Variants in ZNF43 observed in about 807,000 individuals in gnomAD.
ZNF43 encodes the protein zinc finger protein 39-like 1 (KOX 27).
A neutral mutation model predicts 68.4 loss-of-function variants in ZNF43; 44 were observed. That is an observed-to-expected ratio of 0.64 (90% CI 0.51 to 0.83). ZNF43 has a LOEUF of 0.83. Ranked by LOEUF, ZNF43 falls within the 40% of genes least tolerant of loss-of-function variation. ZNF43 has a pLI of 0.00. For synonymous variants in ZNF43, 308 were observed against 307.8 expected, an observed-to-expected ratio of 1.00 and a Z score of -0.01; for missense variants, 896 against 933.2, an observed-to-expected ratio of 0.96 and a Z score of 0.52.
intron 1 of ZNF43, among the ~76,000 whole-genome samples, chr19:21,834,103 G>A (rs566236170): frequency 1.1e-3 from 166 of 151,976 alleles, no homozygotes; most frequent in Non-Finnish European, 2.1e-3. Flanking sequence ...GCATGGTGGC[G>A]GAGGCGGGTG....
chr19:21,833,328 G>A (rs547408634), intron 1 of ZNF43, among the ~76,000 whole-genome samples: 144 of 152,018 alleles, frequency 9.5e-4, no homozygotes, highest in African/African-American at 3.1e-3. Context: ...GTACAATGGC[G>A]CGACCTCAGC....
intron 1 of ZNF43, 63 bp from the exon 2 acceptor site, chr19:21,819,284 T>G (rs1033669086): frequency 8.8e-6 from 13 of 1,481,540 alleles, no homozygotes; most frequent in Non-Finnish European, 1.2e-5. Context: ...CAGGCAGAAT[T>G]TATAATTTGA....
chr19:21,828,122 G>GT (rs2038224536), intron 1 of ZNF43, among the ~76,000 whole-genome samples: 1 of 152,242 alleles, frequency 6.6e-6, no homozygotes, highest in African/African-American at 2.4e-5. Context: ...AATATCTATT[G>GT]TAACAATTTG....
chr19:21,850,702 A>G (rs1421773704), intron 1 of ZNF43, among the ~76,000 whole-genome samples: 1 of 152,248 alleles, frequency 6.6e-6, no homozygotes, highest in African/African-American at 2.4e-5. Flanking sequence ...AGCAGGGCTT[A>G]GCAATATGTA....
At chr19:21,840,477 TGA>T (rs1967446230), upstream of ZNF43, 1 of 152,236 alleles carries the variant, frequency 6.6e-6, no homozygotes, top group African/African-American at 2.4e-5. Context: ...GATACATCCA[TGA>T]GAGCCTCAAT....
chr19:21,809,946 CA>C, intron 3 of ZNF43, 139 bp from the exon 4 acceptor site: 2 of 821,004 alleles, frequency 2.4e-6, no homozygotes, highest in Non-Finnish European at 3.5e-6. Flanking sequence ...TATTTATAGA[CA>C]TATAAATGTA....
chr19:21,818,689 G>C (rs1214391175), intron 2 of ZNF43, among the ~76,000 whole-genome samples: 1 of 152,096 alleles, frequency 6.6e-6, no homozygotes, highest in Non-Finnish European at 1.5e-5. Context: ...CAGAGTACCG[G>C]GATTACAGGA....
At chr19:21,827,365 G>GT (rs200075990) in intron 1 of ZNF43, 13,863 of 144,110 alleles carry the variant, frequency 0.096, 672 homozygotes, top group Middle Eastern at 0.15. Context: ...CTACTATGTG[G>GT]TTTTTTTTTT....
chr19:21,826,008 C>T (rs1301219147), intron 1 of ZNF43, among the ~76,000 whole-genome samples: 2 of 152,104 alleles, frequency 1.3e-5, no homozygotes, highest in Non-Finnish European at 2.9e-5. Context: ...GAGATGGTGC[C>T]ACTGCACTCC....
chr19:21,818,179 T>G (rs2037622854), intron 2 of ZNF43, among the ~76,000 whole-genome samples, 193 bp from the exon 3 acceptor site: 1 of 152,002 alleles, frequency 6.6e-6, no homozygotes, highest in Non-Finnish European at 1.5e-5. Flanking sequence ...CTTGGCCCCC[T>G]GCAATCTCCA....
intron 1 of ZNF43, among the ~76,000 whole-genome samples, chr19:21,823,824 C>T (rs1415144605): frequency 2.0e-5 from 3 of 152,186 alleles, no homozygotes; most frequent in East Asian, 3.9e-4. Flanking sequence ...CCATCTCGGC[C>T]TCCCAAAGTG....
intron 3 of ZNF43, among the ~76,000 whole-genome samples, chr19:21,812,963 TA>T (rs896622219): frequency 9.7e-5 from 14 of 144,706 alleles, no homozygotes; most frequent in South Asian, 6.5e-4. Flanking sequence ...AATTACAAAT[TA>T]AAAAAAAAAA....
intron 1 of ZNF43, among the ~76,000 whole-genome samples, chr19:21,829,718 A>G (rs2038328795): frequency 6.6e-6 from 1 of 152,238 alleles, no homozygotes; most frequent in Non-Finnish European, 1.5e-5. Flanking sequence ...AGGTAGGATA[A>G]TAAAGCCTCT....
rs544628404 is a variant in ZNF43, at chr19:21,842,599, A to G, written c.30+9306T>C. On this transcript the variant is annotated intron_variant, in intron 1 of 3. Transcript: ENST00000357491. ...CTCCAGAGATATGTCAAAATGCCCT[A>G]TGTGGGTAAGGCTCATAAAGAAGAG... Among the ~76,000 whole-genome samples, 104 of 152,110 alleles carry G rather than the reference A, an allele frequency of 6.8e-4. 1 individual carries two copies. Among genetic ancestry groups the G allele is most frequent in the Middle Eastern group, 6.8e-3 (2 of 294 alleles).
At chr19:21,847,425 G>A (rs922846382) in intron 1 of ZNF43, among the ~76,000 whole-genome samples, 8 of 152,136 alleles carry the variant, frequency 5.3e-5, no homozygotes, top group Non-Finnish European at 7.4e-5. Context: ...GGTCAGGCGC[G>A]GTGGCTCACA....
At chr19:21,815,593 A>C (rs751750200) in intron 3 of ZNF43, among the ~76,000 whole-genome samples, 8 of 151,506 alleles carry the variant, frequency 5.3e-5, no homozygotes, top group Non-Finnish European at 1.5e-5. Context: ...GTACAAAAGT[A>C]GGTACAAATC....
intron 1 of ZNF43, among the ~76,000 whole-genome samples, chr19:21,842,542 C>T (rs1039060157): frequency 1.3e-5 from 2 of 151,738 alleles, no homozygotes; most frequent in African/African-American, 2.4e-5. Flanking sequence ...AAAAGGGGAC[C>T]GTGCAGCACA....
chr19:21,844,921 A>AAAAAAAATATATAT (rs1310761266), intron 1 of ZNF43, among the ~76,000 whole-genome samples: 2 of 26,054 alleles, frequency 7.7e-5, no homozygotes, highest in African/African-American at 4.4e-4. Context: ...AAAAAAAAAA[A>AAAAAAAATATATAT]ATATATATAT....
chr19:21,840,939 T>C (rs1461011730), upstream of ZNF43: 1 of 152,218 alleles, frequency 6.6e-6, no homozygotes, highest in Non-Finnish European at 1.5e-5. Context: ...TGAGTCACCA[T>C]CTTAACTGTT....
Sources: gnomAD v4.1 joint callset for allele counts (sites outside exome capture counted in the v4.1 genomes callset) on GRCh38, gnomAD v4.1.1 for gene constraint, MANE v1.5 for transcripts, NCBI Gene and HGNC (gene_info 2026-07-23, HGNC 2026-07-21) for gene names.